Variants in VTI1A observed in about 807,000 individuals in gnomAD.
VTI1A encodes vesicle transport through interaction with t-SNAREs homolog 1A.
Under a neutral mutation model 34.9 loss-of-function variants are expected in VTI1A, and 22 were observed. That is an observed-to-expected ratio of 0.63 (90% CI 0.45 to 0.90). The LOEUF (loss-of-function observed/expected upper bound fraction) is 0.90, where lower values mean the gene tolerates loss of function less well. VTI1A is among the 40% of genes least tolerant of loss of function. The pLI is 0.00. For synonymous variants in VTI1A, 87 were observed against 97.3 expected, an observed-to-expected ratio of 0.89 and a Z score of 0.62; for missense variants, 268 against 275.6, an observed-to-expected ratio of 0.97 and a Z score of 0.20.
intron 5 of VTI1A, among the ~76,000 whole-genome samples, chr10:112,547,960 A>G (rs934405549): frequency 6.6e-6 from 1 of 152,050 alleles, no homozygotes; most frequent in Non-Finnish European, 1.5e-5. Context: ...TAATATGCTT[A>G]CCCAAGCTTA....
At chr10:112,708,185 T>G (rs1368170124) in intron 7 of VTI1A, among the ~76,000 whole-genome samples, 1 of 152,244 alleles carries the variant, frequency 6.6e-6, no homozygotes, top group Non-Finnish European at 1.5e-5. Flanking sequence ...GTATGTAATT[T>G]CACATGCAAA....
rs376292697 is a variant in VTI1A at position 112,464,839 on chromosome 10, G to A, written c.264+182G>A. On this transcript the variant is annotated intron_variant, in intron 3 of 7. Transcript: ENST00000393077. The stretch of plus-strand genomic sequence containing the variant: ...AGAGATAGCTAATGGTGGAATTTAA[G>A]GTATGTTGGATTAATGATTCACAAA... 5.0e-6 allele frequency: 3 copies of A among 603,064 alleles called. No individual in the cohort carries two copies. The Admixed American group carries it at 9.0e-5, about 18-fold the overall frequency. The allele number at this position is 603,064 out of a possible 1,614,324, so 37.4% of individuals were successfully genotyped here.
intron 7 of VTI1A, among the ~76,000 whole-genome samples, chr10:112,678,930 C>G (rs1194624235): frequency 6.6e-6 from 1 of 152,176 alleles, no homozygotes; most frequent in Non-Finnish European, 1.5e-5. Flanking sequence ...CCTTGTAATG[C>G]TGACAATTCT....
chr10:112,596,447 C>A (rs1844649626), intron 5 of VTI1A, among the ~76,000 whole-genome samples: 1 of 152,084 alleles, frequency 6.6e-6, no homozygotes, highest in South Asian at 2.1e-4. Flanking sequence ...TTTGATCAGG[C>A]CCCTATTATT....
At chr10:112,687,791 T>G (rs1257540139) in intron 7 of VTI1A, among the ~76,000 whole-genome samples, 1 of 151,982 alleles carries the variant, frequency 6.6e-6, no homozygotes, top group African/African-American at 2.4e-5. Flanking sequence ...GGGGCTGATT[T>G]CATCAGCATG....
intron 4 of VTI1A, among the ~76,000 whole-genome samples, chr10:112,528,799 G>A (rs1294674956): frequency 6.6e-6 from 1 of 152,172 alleles, no homozygotes; most frequent in Non-Finnish European, 1.5e-5. Context: ...AAATAGAAAG[G>A]AAGGGGGTGT....
intron 3 of VTI1A, among the ~76,000 whole-genome samples, chr10:112,523,442 T>C (rs567069031): frequency 6.6e-6 from 1 of 152,246 alleles, no homozygotes; most frequent in Admixed American, 6.6e-5. Flanking sequence ...TTTTTTTCTA[T>C]AGTTCATATA....
At chr10:112,657,012 G>C (rs1847256262) in intron 5 of VTI1A, among the ~76,000 whole-genome samples, 1 of 152,106 alleles carries the variant, frequency 6.6e-6, no homozygotes, top group African/African-American at 2.4e-5. Flanking sequence ...CTCCTGCCCT[G>C]TAAGCCATGC....
the VTI1A span, among the ~76,000 whole-genome samples, chr10:112,852,825 C>G: frequency 6.6e-6 from 1 of 152,138 alleles, no homozygotes; most frequent in Non-Finnish European, 1.5e-5. Context: ...TGTCGCCAGG[C>G]TGGAGTGTGG....
In VTI1A at chr10:112,460,598, A is replaced by T; in HGVS notation, c.153+16A>T. ...GAAAGAACTGGTATGTACAGACAGT[A>T]ATGTATTTTAACACACAGCCAGAGC... On this transcript the variant is annotated intron_variant, in intron 2 of 7. Coordinates refer to ENST00000393077, the MANE Select transcript of VTI1A (RefSeq NM_145206.4). 6.3e-7 allele frequency: 1 copy of T among 1,575,300 alleles called. No individual in the cohort carries two copies. The highest frequency in any genetic ancestry group is 8.6e-7 in the Non-Finnish European group (1 of 1,163,050).
intron 7 of VTI1A, among the ~76,000 whole-genome samples, chr10:112,734,813 A>C (rs1303987354): frequency 6.6e-6 from 1 of 151,820 alleles, no homozygotes; most frequent in East Asian, 1.9e-4. Flanking sequence ...CCACCATGCC[A>C]GGCTAATTTT....
rs778273418 is a variant in VTI1A at position 112,784,368 on chromosome 10, AT to A, written c.561-30920del. Among the ~76,000 whole-genome samples, 2 of 152,348 alleles carry A rather than the reference AT, an allele frequency of 1.3e-5. 1 individual carries two copies. The highest frequency in any genetic ancestry group is 4.1e-4 in the South Asian group (2 of 4,832). Reference sequence around the variant, plus strand: ...CATCTGCTTTTCGAGGGGAAAAGAAATTGCCTATATGATAGGGCAGCTCAAA... The same window carrying A: ...CATCTGCTTTTCGAGGGGAAAAGAAATGCCTATATGATAGGGCAGCTCAAA... On this transcript the variant is annotated intron_variant, in intron 7 of 7. Transcript: ENST00000393077.
At chr10:112,465,805 A>G (rs1312631430) in intron 3 of VTI1A, among the ~76,000 whole-genome samples, 1 of 152,178 alleles carries the variant, frequency 6.6e-6, no homozygotes. Context: ...CAACAATGTG[A>G]ATATATTTAA....
At chr10:112,674,592 T>C (rs1847965606) in intron 7 of VTI1A, among the ~76,000 whole-genome samples, 2 of 152,224 alleles carry the variant, frequency 1.3e-5, no homozygotes, top group African/African-American at 4.8e-5. Flanking sequence ...ACCTTATCTG[T>C]CAATGATAAC....
intron 5 of VTI1A, among the ~76,000 whole-genome samples, chr10:112,608,818 C>G (rs1361976920): frequency 6.6e-6 from 1 of 152,102 alleles, no homozygotes; most frequent in East Asian, 1.9e-4. Flanking sequence ...TTCAACATCT[C>G]TTGTTTCTTA....
intron 7 of VTI1A, among the ~76,000 whole-genome samples, chr10:112,810,286 C>G (rs972916833): frequency 2.6e-5 from 4 of 151,338 alleles, no homozygotes; most frequent in African/African-American, 9.7e-5. Flanking sequence ...GCCTGTAATC[C>G]CAAGTACTTG....
At chr10:112,699,267 A>G (rs1848905807) in intron 7 of VTI1A, among the ~76,000 whole-genome samples, 2 of 152,170 alleles carry the variant, frequency 1.3e-5, no homozygotes, top group South Asian at 4.1e-4. Flanking sequence ...AATTCCACAG[A>G]CGGTGTGGCT....
intron 3 of VTI1A, among the ~76,000 whole-genome samples, chr10:112,518,307 C>G (rs569670731): frequency 6.6e-6 from 1 of 152,086 alleles, no homozygotes; most frequent in Non-Finnish European, 1.5e-5. Flanking sequence ...ATAACTCCCA[C>G]AAGCTTAGCG....
chr10:112,713,036 C>G (rs1849482570), intron 7 of VTI1A, among the ~76,000 whole-genome samples: 1 of 152,146 alleles, frequency 6.6e-6, no homozygotes, highest in African/African-American at 2.4e-5. Flanking sequence ...GGACCCCGTT[C>G]TAGCTTTAGG....
Sources: allele counts gnomAD v4.1 joint callset (sites outside exome capture counted in the v4.1 genomes callset), GRCh38; gene constraint gnomAD v4.1.1; transcripts MANE v1.5; gene names NCBI Gene and HGNC (gene_info 2026-07-23, HGNC 2026-07-21).